The following ENOX2 variants were observed in gnomAD, a reference collection of about 807,000 sequenced individuals.
The protein encoded by ENOX2 is ecto-NOX disulfide-thiol exchanger 2.
In ENOX2, 36 loss-of-function variants were observed where a neutral mutation model predicts 45.0. The ratio of observed to expected loss-of-function variants is 0.80; its 90% CI spans 0.61 to 1.06. ENOX2 has a LOEUF of 1.06. ENOX2 is among the 50% of genes least tolerant of loss of function. The pLI, the probability that ENOX2 is intolerant of heterozygous loss-of-function variation, is 0.00. For synonymous variants in ENOX2, 174 were observed against 152.3 expected, an observed-to-expected ratio of 1.14 and a Z score of -1.05; for missense variants, 423 against 462.5, an observed-to-expected ratio of 0.91 and a Z score of 0.78.
chrX:130,649,327 A>G (rs934536686), intron 10 of ENOX2, among the ~76,000 whole-genome samples: 2 of 111,044 alleles, frequency 1.8e-5, no homozygotes, highest in African/African-American at 6.6e-5. Flanking sequence ...ACAAAAAAAA[A>G]AAAAATCCAC....
intron 2 of ENOX2, among the ~76,000 whole-genome samples, chrX:130,818,142 G>A (rs907893903): frequency 5.4e-5 from 6 of 111,756 alleles, no homozygotes; most frequent in Non-Finnish European, 1.1e-4. Flanking sequence ...CAAATCATGA[G>A]TGAACTCCCA....
chrX:130,648,364 G>C (rs765708083), intron 10 of ENOX2, among the ~76,000 whole-genome samples: 121 of 110,031 alleles, frequency 1.1e-3, no homozygotes, highest in Middle Eastern at 4.6e-3. Flanking sequence ...CTTGAACCCA[G>C]GAGGCAGAGG....
At chrX:130,699,173 A>G (rs919355858) in intron 4 of ENOX2, among the ~76,000 whole-genome samples, 1 of 112,372 alleles carries the variant, frequency 8.9e-6, no homozygotes, top group Non-Finnish European at 1.9e-5. Flanking sequence ...CTGATCTGCC[A>G]TCATTATGGA....
At chrX:130,898,742 T>C (rs916367544) in intron 2 of ENOX2, among the ~76,000 whole-genome samples, 1 of 109,593 alleles carries the variant, frequency 9.1e-6, no homozygotes, top group Non-Finnish European at 1.9e-5. Context: ...TTTTCTTTTT[T>C]TTTTTTTTGT....
rs2078218353 is a variant in ENOX2 at position 130,851,890 on chromosome X, G to C, written c.-183+49794C>G. Among the ~76,000 whole-genome samples, 2 of 111,831 alleles carry C rather than the reference G, an allele frequency of 1.8e-5. 1 individual carries two copies. Among genetic ancestry groups the C allele is most frequent in the Admixed American group, 1.9e-4 (2 of 10,595 alleles). On this transcript the variant is annotated intron_variant, in intron 2 of 14. Transcript: ENST00000394363. ...TTGGAATCGATCCAGTTAGTCCAGG[G>C]GCCACATGAATTTTAATGCACCTGG...
At chrX:130,801,868 C>T (rs2077222810) in intron 2 of ENOX2, among the ~76,000 whole-genome samples, 1 of 111,645 alleles carries the variant, frequency 9.0e-6, no homozygotes, top group African/African-American at 3.3e-5. Flanking sequence ...ATCCAAATGA[C>T]ATTTACGGAA....
chrX:130,634,274 T>C (rs1415203433), intron 12 of ENOX2, among the ~76,000 whole-genome samples: 1 of 112,281 alleles, frequency 8.9e-6, no homozygotes, highest in Non-Finnish European at 1.9e-5. Context: ...TTTCAGAGGA[T>C]AACATCAGCT....
chrX:130,687,577 G>A (rs956257754), intron 5 of ENOX2, among the ~76,000 whole-genome samples: 1 of 112,089 alleles, frequency 8.9e-6, no homozygotes, highest in Non-Finnish European at 1.9e-5. Context: ...ATCCAGGAAT[G>A]GCCATTTGAG....
intron 3 of ENOX2, among the ~76,000 whole-genome samples, chrX:130,728,244 G>C (rs185886631): frequency 1.6e-4 from 18 of 111,251 alleles, no homozygotes; most frequent in Non-Finnish European, 3.2e-4. Context: ...TGCAGCTCTG[G>C]TAGTATAATC....
intron 2 of ENOX2, among the ~76,000 whole-genome samples, chrX:130,877,123 C>T (rs1462277151): frequency 1.8e-5 from 2 of 111,778 alleles, no homozygotes; most frequent in Admixed American, 1.9e-4. Flanking sequence ...ATAATTTTCT[C>T]ATTAGCTGGA....
chrX:130,631,381 C>G (rs1399292111), intron 13 of ENOX2, 87 bp downstream of exon 13: 1 of 540,832 alleles, frequency 1.8e-6, no homozygotes, highest in Non-Finnish European at 3.3e-6. Flanking sequence ...AAATGCTTGG[C>G]ATGTGCTTAT....
At chrX:130,889,553 A>G (rs1352324123) in intron 2 of ENOX2, among the ~76,000 whole-genome samples, 2 of 111,487 alleles carry the variant, frequency 1.8e-5, no homozygotes, top group Non-Finnish European at 3.8e-5. Context: ...GAGCTGCTGA[A>G]AGGGGGAAGG....
intron 2 of ENOX2, among the ~76,000 whole-genome samples, chrX:130,822,266 T>C (rs1369129012): frequency 2.7e-5 from 3 of 110,965 alleles, no homozygotes; most frequent in Non-Finnish European, 3.8e-5. Flanking sequence ...CATATGATGG[T>C]TTGACTTATG....
intron 8 of ENOX2, among the ~76,000 whole-genome samples, chrX:130,666,719 TG>T (rs2036843012): frequency 9.0e-6 from 1 of 111,601 alleles, no homozygotes; most frequent in African/African-American, 3.3e-5. Flanking sequence ...AAAATACAAG[TG>T]GCAAATGGAA....
At position 130,741,210 on chromosome X, in the gene ENOX2, CA is replaced by C. The variant is rs774169186; in HGVS notation, c.-38-37957del. ...GGATGGAATAGGAGATGATGTTGAACAAGTAAGTTATGGTTTGATGCTGCAG... is the reference window on the plus strand; with the variant it reads ...GGATGGAATAGGAGATGATGTTGAACAGTAAGTTATGGTTTGATGCTGCAG... On this transcript the variant is annotated intron_variant, in intron 3 of 14. Coordinates refer to ENST00000394363, the MANE Select transcript of ENOX2 (RefSeq NM_006375.4). Among the ~76,000 whole-genome samples the C allele has an allele frequency of 7.4e-4, 83 of 111,641 alleles. 1 individual carries two copies. Among genetic ancestry groups the C allele is most frequent in the African/African-American group, 2.6e-3 (81 of 30,679 alleles).
chrX:130,698,445 T>C (rs2037818612), intron 4 of ENOX2, among the ~76,000 whole-genome samples: 1 of 109,830 alleles, frequency 9.1e-6, no homozygotes, highest in Non-Finnish European at 1.9e-5. Flanking sequence ...TGTAGATATG[T>C]TCCATGGTGA....
At chrX:130,698,233 C>T (rs2037811866) in intron 4 of ENOX2, among the ~76,000 whole-genome samples, 1 of 111,591 alleles carries the variant, frequency 9.0e-6, no homozygotes, top group African/African-American at 3.3e-5. Context: ...TAAATAACTA[C>T]AACATTTTTA....
chrX:130,786,046 C>G (rs1481013024), intron 2 of ENOX2, among the ~76,000 whole-genome samples: 1 of 112,993 alleles, frequency 8.9e-6, no homozygotes, highest in Non-Finnish European at 1.9e-5. Context: ...AACTTGAAAG[C>G]TCTCCTAAAA....
Position 130,622,401 on chromosome X carries a change from C to T in ENOX2, c.*2913G>A, listed in dbSNP as rs1243308072. ...TTGGGGCCAAAATTAAAAAAAAACT[C>T]TATATAACTTGAATGCAGATGTGTC... On this transcript the variant is annotated 3_prime_UTR_variant, in exon 15 of 15. Transcript: ENST00000394363. Among the ~76,000 whole-genome samples, 1 of 111,670 alleles carries T rather than the reference C, an allele frequency of 9.0e-6. No homozygotes were observed. The highest frequency in any genetic ancestry group is 1.9e-5 in the Non-Finnish European group (1 of 53,190).
Sources: gnomAD v4.1 joint callset for allele counts (sites outside exome capture counted in the v4.1 genomes callset) on GRCh38, gnomAD v4.1.1 for gene constraint, MANE v1.5 for transcripts, NCBI Gene and HGNC (gene_info 2026-07-23, HGNC 2026-07-21) for gene names.